Variants in CCSER1 observed in about 807,000 individuals in gnomAD.
CCSER1 encodes coiled-coil serine rich protein 1.
In CCSER1, 41 loss-of-function variants were observed where a neutral mutation model predicts 82.0. That is an observed-to-expected ratio of 0.50 (90% confidence interval 0.39 to 0.65). The LOEUF (loss-of-function observed/expected upper bound fraction) is 0.65. CCSER1 is among the 30% of genes least tolerant of loss of function. CCSER1 has a pLI of 0.00. For synonymous variants in CCSER1, 414 were observed against 383.9 expected, an observed-to-expected ratio of 1.08 and a Z score of -0.92; for missense variants, 1,119 against 1,064.2, an observed-to-expected ratio of 1.05 and a Z score of -0.72.
chr4:90,922,653 A>G (rs1047161205), intron 8 of CCSER1, among the ~76,000 whole-genome samples: 2 of 152,104 alleles, frequency 1.3e-5, no homozygotes, highest in African/African-American at 4.8e-5. Flanking sequence ...AATGTGATCA[A>G]GTGAGTACAA....
At chr4:90,530,170 G>T (rs1560667089) in intron 5 of CCSER1, among the ~76,000 whole-genome samples, 1 of 152,092 alleles carries the variant, frequency 6.6e-6, no homozygotes, top group African/African-American at 2.4e-5. Flanking sequence ...ATGAATAGGG[G>T]TATGGTCCCT....
chr4:90,701,805 A>G (rs1738210463), intron 6 of CCSER1, among the ~76,000 whole-genome samples: 1 of 152,102 alleles, frequency 6.6e-6, no homozygotes, highest in Non-Finnish European at 1.5e-5. Flanking sequence ...AACGCTTATG[A>G]TTTTTGCACA....
At chr4:90,271,842 ATATATATATATATATATATATTTTT>A (rs1416240324) in intron 1 of CCSER1, among the ~76,000 whole-genome samples, 1 of 32,308 alleles carries the variant, frequency 3.1e-5, no homozygotes, top group Non-Finnish European at 6.3e-5. Context: ...ATATATATAT[ATATATATATATATATATATATTTTT>A]TTTTTTTTTT....
chr4:90,201,853 T>C (rs1200626763), intron 1 of CCSER1, among the ~76,000 whole-genome samples: 2 of 152,126 alleles, frequency 1.3e-5, no homozygotes, highest in Non-Finnish European at 2.9e-5. Context: ...AATGCCAGAT[T>C]TGAAACACTG....
At chr4:90,776,129 C>A (rs1179090444) in intron 7 of CCSER1, among the ~76,000 whole-genome samples, 1 of 152,044 alleles carries the variant, frequency 6.6e-6, no homozygotes, top group Non-Finnish European at 1.5e-5. Context: ...TTCTTGGATA[C>A]AACAGTAAAA....
rs1026063799 is a variant in CCSER1 at position 90,911,828 on chromosome 4, T to C, written c.2095-11542T>C. ...TCTTAGCAAACGGCACACCAGGAGA[T>C]TATATTCCACGCCTGGCTCAGAGGG... is the stretch of plus-strand genomic sequence containing the variant. On this transcript the variant is annotated intron_variant, in intron 8 of 10. Transcript: ENST00000509176. Among the ~76,000 whole-genome samples, 3 of 152,166 alleles carry C rather than the reference T, an allele frequency of 2.0e-5. 1 individual carries two copies. The highest frequency in any genetic ancestry group is 4.1e-4 in the South Asian group (2 of 4,834).
At chr4:90,420,905 T>C (rs1440113709) in intron 4 of CCSER1, among the ~76,000 whole-genome samples, 3 of 152,134 alleles carry the variant, frequency 2.0e-5, no homozygotes, top group Non-Finnish European at 4.4e-5. Flanking sequence ...AAAATATGTG[T>C]CTCAATATAA....
At chr4:91,055,159 T>A (rs1406048959) in intron 9 of CCSER1, among the ~76,000 whole-genome samples, 1 of 152,178 alleles carries the variant, frequency 6.6e-6, no homozygotes, top group Admixed American at 6.6e-5. Context: ...AGCAAAATTA[T>A]ATAGCTATTT....
intron 3 of CCSER1, among the ~76,000 whole-genome samples, chr4:90,334,871 C>G (rs916435443): frequency 2.6e-5 from 4 of 152,148 alleles, no homozygotes; most frequent in African/African-American, 7.2e-5. Flanking sequence ...TGAAGTCACA[C>G]AGCCCAATTT....
intron 1 of CCSER1, among the ~76,000 whole-genome samples, chr4:90,160,892 G>A (rs1387737939): frequency 1.3e-5 from 2 of 152,180 alleles, no homozygotes. Flanking sequence ...TCAGCCAAGT[G>A]TATGTCTAAG....
intron 1 of CCSER1, among the ~76,000 whole-genome samples, chr4:90,262,625 A>G (rs1386813975): frequency 6.6e-6 from 1 of 152,110 alleles, no homozygotes; most frequent in South Asian, 2.1e-4. Context: ...TAGATGCAAT[A>G]CCCAATGGTG....
intron 8 of CCSER1, among the ~76,000 whole-genome samples, chr4:90,907,356 G>C (rs1216224676): frequency 6.6e-6 from 1 of 151,894 alleles, no homozygotes; most frequent in Non-Finnish European, 1.5e-5. Flanking sequence ...TTTACACCAG[G>C]ATGCTGCTAG....
chr4:90,959,979 A>C (rs1429308796), intron 9 of CCSER1, among the ~76,000 whole-genome samples: 1 of 152,040 alleles, frequency 6.6e-6, no homozygotes, highest in Non-Finnish European at 1.5e-5. Context: ...TTGACATTAG[A>C]TTTGTCTATG....
chr4:91,012,937 C>T lies in CCSER1; in HGVS notation c.2173-73013C>T. Among the ~76,000 whole-genome samples, 2 of 133,934 alleles carry T rather than the reference C, an allele frequency of 1.5e-5. 1 individual carries two copies. The highest frequency in any genetic ancestry group is 3.5e-5 in the Non-Finnish European group (2 of 57,552). The allele number at this position is 133,934 out of a possible 152,430, so 87.9% of individuals were successfully genotyped here. A position where few individuals can be genotyped will look rare whatever the true frequency, so the allele number is the denominator to read the frequency against. On this transcript the variant is annotated intron_variant, in intron 9 of 10. Coordinates refer to ENST00000509176, the MANE Select transcript of CCSER1 (RefSeq NM_001145065.2). Reference sequence around the variant, plus strand: ...ATTTCCCCACAAGAAGAAGTTCCTTCTGGTTCCAAACTGACCCTGGCAGGG... The same window carrying T: ...ATTTCCCCACAAGAAGAAGTTCCTTTTGGTTCCAAACTGACCCTGGCAGGG...
intron 8 of CCSER1, among the ~76,000 whole-genome samples, chr4:90,879,034 C>T (rs1720802840): frequency 6.6e-6 from 1 of 152,128 alleles, no homozygotes; most frequent in Non-Finnish European, 1.5e-5. Context: ...AATGGCATTA[C>T]CTCCAGAGGT....
At chr4:91,149,956 A>G (rs959529804) in intron 10 of CCSER1, among the ~76,000 whole-genome samples, 1 of 152,174 alleles carries the variant, frequency 6.6e-6, no homozygotes, top group Non-Finnish European at 1.5e-5. Context: ...TGTCTTGGCA[A>G]TGCAGGCTTT....
rs113079499 is a variant in CCSER1, at chr4:90,534,481, G to T, written c.1724+66127G>T. Among the ~76,000 whole-genome samples the T allele has an allele frequency of 8.7e-3, 1,283 of 147,174 alleles. 18 individuals are homozygous for T. Among genetic ancestry groups the T allele is most frequent in the African/African-American group, 0.031 (1,222 of 39,758 alleles). ...TGTGTGTGTGTGTGTGTGTGTGTGT[G>T]TGTGTGTGATGTTTACCTATTCTCT... On this transcript the variant is annotated intron_variant, in intron 5 of 10. Transcript: ENST00000509176.
At chr4:90,190,054 A>G (rs550657052) in intron 1 of CCSER1, among the ~76,000 whole-genome samples, 7 of 152,024 alleles carry the variant, frequency 4.6e-5, no homozygotes, top group Non-Finnish European at 1.0e-4. Flanking sequence ...TGATAGCGGC[A>G]TGAGACTGCA....
chr4:90,496,944 C>A (rs1162483284), intron 5 of CCSER1, among the ~76,000 whole-genome samples: 1 of 134,290 alleles, frequency 7.4e-6, no homozygotes, highest in African/African-American at 2.9e-5. Flanking sequence ...TGCCTCTGCA[C>A]TCCAGCCTGG....
Sources: gnomAD v4.1 joint callset for allele counts (sites outside exome capture counted in the v4.1 genomes callset) on GRCh38, gnomAD v4.1.1 for gene constraint, MANE v1.5 for transcripts, NCBI Gene and HGNC (gene_info 2026-07-23, HGNC 2026-07-21) for gene names.